EEIG2: variants seen among roughly 807,000 people sequenced by gnomAD.
EEIG2 encodes EEIG family member 2, also known as family with sequence similarity 102 member B.
the EEIG2 span, chr1:108,635,070 G>C: frequency 6.2e-7 from 1 of 1,613,196 alleles, no homozygotes; most frequent in South Asian, 1.1e-5. Context: ...AAACACTGCA[G>C]CTCAAAATTT....
At chr1:108,609,099 G>A in the EEIG2 span, among the ~76,000 whole-genome samples, 1 of 152,174 alleles carries the variant, frequency 6.6e-6, no homozygotes, top group East Asian at 1.9e-4. Flanking sequence ...TAAACATGCA[G>A]GCATAAGAGG....
chr1:108,619,179 C>A, the EEIG2 span, among the ~76,000 whole-genome samples: 1 of 152,146 alleles, frequency 6.6e-6, no homozygotes, highest in Admixed American at 6.5e-5. Flanking sequence ...GAAAGTAGAT[C>A]ATCTAATGTT....
the EEIG2 span, among the ~76,000 whole-genome samples, chr1:108,588,635 T>C: frequency 7.8e-3 from 1,181 of 152,288 alleles, 15 homozygotes; most frequent in African/African-American, 0.027. Flanking sequence ...ATGTTTTTTG[T>C]GGTAACATTT....
chr1:108,593,327 A>C, the EEIG2 span, among the ~76,000 whole-genome samples: 2 of 152,204 alleles, frequency 1.3e-5, no homozygotes, highest in African/African-American at 4.8e-5. Context: ...AATCATCATC[A>C]TGACAGTTTT....
the EEIG2 span, among the ~76,000 whole-genome samples, chr1:108,608,741 G>T: frequency 1.3e-5 from 2 of 152,176 alleles, no homozygotes; most frequent in African/African-American, 4.8e-5. Context: ...TTTAATAGGG[G>T]CTGTCTTAGT....
chr1:108,599,179 C>CAA, the EEIG2 span, among the ~76,000 whole-genome samples: 1 of 145,168 alleles, frequency 6.9e-6, no homozygotes, highest in Non-Finnish European at 1.5e-5. Context: ...ACAACAACAA[C>CAA]AAAAAAAAAA....
chr1:108,623,910 G>A, the EEIG2 span, among the ~76,000 whole-genome samples: 1 of 151,964 alleles, frequency 6.6e-6, no homozygotes, highest in African/African-American at 2.4e-5. Context: ...GACCTCAGGT[G>A]ATCCACCCGC....
the EEIG2 span, among the ~76,000 whole-genome samples, chr1:108,602,749 A>G: frequency 6.6e-6 from 1 of 151,836 alleles, no homozygotes; most frequent in Non-Finnish European, 1.5e-5. Flanking sequence ...GTATGGTGGC[A>G]CTCACTTGTA....
chr1:108,607,735 A>G, the EEIG2 span, among the ~76,000 whole-genome samples: 1 of 152,194 alleles, frequency 6.6e-6, no homozygotes, highest in Non-Finnish European at 1.5e-5. Context: ...TAGGCAAACA[A>G]CAAGGTCTGC....
the EEIG2 span, among the ~76,000 whole-genome samples, chr1:108,582,519 C>T: frequency 6.6e-6 from 1 of 152,080 alleles, no homozygotes; most frequent in Non-Finnish European, 1.5e-5. Flanking sequence ...TTTTACATAT[C>T]TAAATTCTGT....
At chr1:108,588,219 A>G in the EEIG2 span, among the ~76,000 whole-genome samples, 1 of 152,174 alleles carries the variant, frequency 6.6e-6, no homozygotes, top group Non-Finnish European at 1.5e-5. Context: ...TCCTTTGGAT[A>G]TATACCCAGA....
chr1:108,605,046 GA>G, the EEIG2 span, among the ~76,000 whole-genome samples: 1 of 151,746 alleles, frequency 6.6e-6, no homozygotes, highest in Non-Finnish European at 1.5e-5. Context: ...CTGTCTCTAA[GA>G]AATAAAATAA....
the EEIG2 span, among the ~76,000 whole-genome samples, chr1:108,597,931 G>T: frequency 3.9e-5 from 6 of 152,202 alleles, no homozygotes; most frequent in African/African-American, 1.4e-4. Flanking sequence ...GGACCCTGAA[G>T]GGTCCAGGAC....
At chr1:108,616,345 T>G in the EEIG2 span, 771 of 1,389,980 alleles carry the variant, frequency 5.5e-4, 6 homozygotes, top group African/African-American at 9.9e-3. Flanking sequence ...CATTTTATAA[T>G]TTTTTATAAT....
chr1:108,571,854 A>G, the EEIG2 span, among the ~76,000 whole-genome samples: 21,235 of 151,984 alleles, frequency 0.14, 2,227 homozygotes, highest in African/African-American at 0.29. Flanking sequence ...CCAGTCTTTT[A>G]ACTATTATTT....
chr1:108,635,101 GT>G, the EEIG2 span: 6 of 1,613,994 alleles, frequency 3.7e-6, no homozygotes, highest in Non-Finnish European at 5.1e-6. Flanking sequence ...TTCCACTGCT[GT>G]TTTAGGGTGG....
At chr1:108,604,878 A>C in the EEIG2 span, among the ~76,000 whole-genome samples, 1 of 151,410 alleles carries the variant, frequency 6.6e-6, no homozygotes, top group African/African-American at 2.4e-5. Context: ...AAAAAAAAAA[A>C]AAAGAGAAAA....
chr1:108,616,492 A>C, the EEIG2 span: 1 of 1,095,888 alleles, frequency 9.1e-7, no homozygotes, highest in African/African-American at 1.6e-5. Flanking sequence ...ATTTGTTTAA[A>C]TTTTTACATT....
the EEIG2 span, among the ~76,000 whole-genome samples, chr1:108,594,601 A>T: frequency 6.6e-6 from 1 of 152,308 alleles, no homozygotes; most frequent in East Asian, 1.9e-4. Context: ...AGTAGTTAAT[A>T]TGTGTAATTT....
Sources: allele counts gnomAD v4.1 joint callset (sites outside exome capture counted in the v4.1 genomes callset), GRCh38; gene constraint gnomAD v4.1.1; transcripts MANE v1.5; gene names NCBI Gene and HGNC (gene_info 2026-07-23, HGNC 2026-07-21).